The following SP4 variants were observed in gnomAD, a reference collection of about 807,000 sequenced individuals.
SP4 encodes transcription factor Sp4.
A neutral mutation model predicts 72.8 loss-of-function variants in SP4; 19 were observed. That is an observed-to-expected ratio of 0.26 (90% CI 0.18 to 0.38). SP4 has a LOEUF of 0.38. Among genes scored for constraint, SP4 ranks in the 10% least tolerant of loss-of-function variants. The pLI is 1.00. For synonymous variants in SP4, 395 were observed against 333.1 expected (o/e 1.19, Z -2.02); for missense variants, 1,008 against 926.3 (o/e 1.09, Z -1.14).
chr7:21,432,766 G>A lies in SP4; in HGVS notation c.1678+1923G>A, dbSNP rs564203753. 7.9e-5 allele frequency among the ~76,000 whole-genome samples: 12 copies of A among 152,192 alleles called. No individual in the cohort carries two copies. In the East Asian group the frequency reaches 2.3e-3, roughly 29 times the overall value. ...CCCAACACTTTGGGAGGCCAGGGTG[G>A]GAGGATTGCTTGAGCCCACTAGTTC... On this transcript the variant is annotated intron_variant, in intron 3 of 5. Transcript: ENST00000222584.
intron 3 of SP4, among the ~76,000 whole-genome samples, chr7:21,467,987 GTAGA>G (rs940379477): frequency 2.6e-5 from 4 of 152,070 alleles, no homozygotes; most frequent in Non-Finnish European, 5.9e-5. Context: ...TTATTTATAG[GTAGA>G]TAGATAAATA....
At chr7:21,495,180 G>A (rs1785076883) in intron 5 of SP4, among the ~76,000 whole-genome samples, 1 of 152,106 alleles carries the variant, frequency 6.6e-6, no homozygotes, top group Non-Finnish European at 1.5e-5. Flanking sequence ...TAGGCTACGA[G>A]TGCTTTAACA....
intron 3 of SP4, among the ~76,000 whole-genome samples, chr7:21,465,493 A>G (rs776357088): frequency 6.6e-6 from 1 of 152,240 alleles, no homozygotes; most frequent in African/African-American, 2.4e-5. Context: ...CTTAGAAGAC[A>G]GCATTAGACA....
chr7:21,510,845 A>C (rs1782122838), intron 5 of SP4, among the ~76,000 whole-genome samples, 177 bp from the exon 6 acceptor site: 1 of 152,230 alleles, frequency 6.6e-6, no homozygotes, highest in Non-Finnish European at 1.5e-5. Flanking sequence ...CGTCTCAATC[A>C]CATGGTCTTT....
Position 21,428,210 on chromosome 7 carries a change from A to G in SP4, c.-42A>G, listed in dbSNP as rs376094705. On this transcript the variant is annotated 5_prime_UTR_variant, in exon 1 of 6. Transcript: ENST00000222584. The stretch of plus-strand genomic sequence containing the variant: ...CTCGCCCCCACCCCCACCCACCTCT[A>G]TCCCAGTGTCTCCGTCTGAGGGTTT... The G allele has an allele frequency of 5.3e-6, 5 of 942,894 alleles. No individual in the cohort carries two copies. Among genetic ancestry groups the G allele is most frequent in the South Asian group, 1.6e-5 (1 of 61,306 alleles). 58.4% of individuals were successfully genotyped at this position (942,894 alleles called of 1,614,324 possible). A position where few individuals can be genotyped will look rare whatever the true frequency, so the allele number is the denominator to read the frequency against.
chr7:21,438,329 A>AAGTC (rs1408614653), intron 3 of SP4, among the ~76,000 whole-genome samples: 1 of 152,170 alleles, frequency 6.6e-6, no homozygotes, highest in Non-Finnish European at 1.5e-5. Flanking sequence ...AGTTCTCTGT[A>AAGTC]AGTCTTAAAC....
intron 3 of SP4, among the ~76,000 whole-genome samples, chr7:21,444,374 T>C (rs1166663957): frequency 1.3e-5 from 2 of 152,234 alleles, no homozygotes; most frequent in African/African-American, 4.8e-5. Flanking sequence ...GTATACCAGA[T>C]AATGCATGCA....
chr7:21,485,765 A>T (rs538824416), intron 5 of SP4, among the ~76,000 whole-genome samples: 1 of 152,058 alleles, frequency 6.6e-6, no homozygotes, highest in African/African-American at 2.4e-5. Flanking sequence ...ATCTTTAGTT[A>T]TTTCAAGTTT....
intron 3 of SP4, among the ~76,000 whole-genome samples, chr7:21,437,992 G>C (rs1428856416): frequency 1.3e-5 from 2 of 148,512 alleles, no homozygotes; most frequent in Non-Finnish European, 3.0e-5. Flanking sequence ...GCTGTCTTTA[G>C]ATATATGAGG....
intron 3 of SP4, among the ~76,000 whole-genome samples, chr7:21,453,297 A>C (rs1459340154): frequency 6.6e-6 from 1 of 152,156 alleles, no homozygotes; most frequent in Non-Finnish European, 1.5e-5. Context: ...CACAATCTCC[A>C]GTTATCAGAA....
At chr7:21,482,571 A>G (rs1356158080) in intron 5 of SP4, 1 of 631,946 alleles carries the variant, frequency 1.6e-6, no homozygotes, top group Non-Finnish European at 2.0e-6. Context: ...CAGAATGGTC[A>G]GTTGTTAATA....
intron 3 of SP4, among the ~76,000 whole-genome samples, chr7:21,438,886 A>G (rs958543799): frequency 3.3e-5 from 5 of 152,206 alleles, no homozygotes; most frequent in Non-Finnish European, 7.3e-5. Flanking sequence ...TTTACTTTAC[A>G]TATTTATGGC....
chr7:21,498,428 A>G (rs1781779595), intron 5 of SP4, among the ~76,000 whole-genome samples: 1 of 152,164 alleles, frequency 6.6e-6, no homozygotes, highest in African/African-American at 2.4e-5. Context: ...GGTAAATGAT[A>G]CTGGAAAATG....
At chr7:21,485,918 T>A (rs955432517) in intron 5 of SP4, among the ~76,000 whole-genome samples, 1 of 152,014 alleles carries the variant, frequency 6.6e-6, no homozygotes, top group African/African-American at 2.4e-5. Flanking sequence ...GTTTTAGATC[T>A]CATATTGGTT....
At chr7:21,487,055 T>G (rs145327285) in intron 5 of SP4, among the ~76,000 whole-genome samples, 15 of 152,354 alleles carry the variant, frequency 9.8e-5, no homozygotes, top group African/African-American at 3.6e-4. Context: ...CTCCAATTAT[T>G]TATGCAATCA....
intron 4 of SP4, 42 bp from the exon 5 acceptor site, chr7:21,481,882 T>C: frequency 3.8e-6 from 5 of 1,326,690 alleles, no homozygotes; most frequent in Non-Finnish European, 5.4e-6. Context: ...GTAAACCTAC[T>C]ATTTGGCAGT....
intron 5 of SP4, among the ~76,000 whole-genome samples, chr7:21,498,737 C>T (rs1347929715): frequency 2.6e-5 from 4 of 152,100 alleles, no homozygotes; most frequent in African/African-American, 4.8e-5. Context: ...TCAATTAACA[C>T]GTATTTTGCA....
At chr7:21,442,026 G>C (rs1783266863) in intron 3 of SP4, among the ~76,000 whole-genome samples, 1 of 123,944 alleles carries the variant, frequency 8.1e-6, no homozygotes, top group South Asian at 2.8e-4. Context: ...GTGTGTGTGT[G>C]TGTGTGTGTG....
chr7:21,461,008 G>C (rs112883236), intron 3 of SP4, among the ~76,000 whole-genome samples: 5 of 152,094 alleles, frequency 3.3e-5, no homozygotes, highest in African/African-American at 1.2e-4. Context: ...TAGACACAGA[G>C]TGCTGATTGG....
Sources: allele counts gnomAD v4.1 joint callset (sites outside exome capture counted in the v4.1 genomes callset), GRCh38; gene constraint gnomAD v4.1.1; transcripts MANE v1.5; gene names NCBI Gene and HGNC (gene_info 2026-07-23, HGNC 2026-07-21).